NCK2: variants seen among roughly 807,000 people sequenced by gnomAD.
NCK2 encodes the protein NCK adaptor protein 2, also known as cytoplasmic protein NCK2.
Under a neutral mutation model 33.9 loss-of-function variants are expected in NCK2, and 16 were observed. The ratio of observed to expected loss-of-function variants is 0.47; its 90% CI spans 0.32 to 0.72. The LOEUF (loss-of-function observed/expected upper bound fraction) is 0.72. Ranked by LOEUF, NCK2 falls within the 30% of genes least tolerant of loss-of-function variation. The pLI, the probability that NCK2 is intolerant of heterozygous loss-of-function variation, is 0.03. For synonymous variants in NCK2, 273 were observed against 239.9 expected, an observed-to-expected ratio of 1.14 and a Z score of -1.27; for missense variants, 418 against 537.3, an observed-to-expected ratio of 0.78 and a Z score of 2.19.
At chr2:105,754,086 G>A (rs1426973135) in intron 1 of NCK2, among the ~76,000 whole-genome samples, 1 of 152,194 alleles carries the variant, frequency 6.6e-6, no homozygotes, top group East Asian at 1.9e-4. Flanking sequence ...AGGACGGTGA[G>A]TCTGGCGTCT....
intron 1 of NCK2, among the ~76,000 whole-genome samples, chr2:105,747,940 A>G (rs184080057): frequency 1.3e-5 from 2 of 152,318 alleles, no homozygotes; most frequent in Admixed American, 1.3e-4. Context: ...TAGTAGCACA[A>G]TTAAAAAATT....
At chr2:105,818,180 A>T (rs1675571150) in intron 2 of NCK2, among the ~76,000 whole-genome samples, 1 of 150,804 alleles carries the variant, frequency 6.6e-6, no homozygotes, top group Non-Finnish European at 1.5e-5. Flanking sequence ...TCGCAAGGAC[A>T]AAAAACCAAA....
rs942584482 is a variant in NCK2 at position 105,816,513 on chromosome 2, A to G, written c.-117A>G. On this transcript the variant is annotated 5_prime_UTR_variant, in exon 2 of 5. Transcript: ENST00000233154. ...TGAGTTGGATTTGAGGATTTGGAGAATCCCTGCAGCTTTGTAACTTCAGAG... is the reference window on the plus strand; with the variant it reads ...TGAGTTGGATTTGAGGATTTGGAGAGTCCCTGCAGCTTTGTAACTTCAGAG... The G allele has an allele frequency of 1.1e-4, 17 of 152,310 alleles. No homozygotes were observed. The highest frequency in any genetic ancestry group is 4.1e-4 in the African/African-American group (17 of 41,568). 9.4% of individuals were successfully genotyped at this position (152,310 alleles called of 1,614,324 possible). A position where few individuals can be genotyped will look rare whatever the true frequency, so the allele number is the denominator to read the frequency against.
chr2:105,882,843 G>A (rs1013983629), intron 4 of NCK2, among the ~76,000 whole-genome samples: 1 of 152,210 alleles, frequency 6.6e-6, no homozygotes, highest in Non-Finnish European at 1.5e-5. Context: ...AAGCATTTAG[G>A]AGATAGAGTT....
intron 2 of NCK2, among the ~76,000 whole-genome samples, chr2:105,844,227 G>A (rs1306673021): frequency 1.3e-5 from 2 of 152,162 alleles, no homozygotes; most frequent in Non-Finnish European, 2.9e-5. Context: ...ACAGTCAAGA[G>A]GCGCCTAAGC....
intron 3 of NCK2, among the ~76,000 whole-genome samples, chr2:105,880,936 A>ATTTTTTTTT (rs59005322): frequency 5.8e-5 from 6 of 103,540 alleles, no homozygotes; most frequent in Non-Finnish European, 9.6e-5. Flanking sequence ...CAGGTGGCTA[A>ATTTTTTTTT]TTTTTTTTTT....
At chr2:105,797,499 AG>A (rs1276040447) in intron 1 of NCK2, among the ~76,000 whole-genome samples, 1 of 152,212 alleles carries the variant, frequency 6.6e-6, no homozygotes, top group African/African-American at 2.4e-5. Flanking sequence ...GGCTAGCAGA[AG>A]GGAGGTTCTT....
At chr2:105,750,393 A>G (rs1419260406) in intron 1 of NCK2, among the ~76,000 whole-genome samples, 1 of 152,206 alleles carries the variant, frequency 6.6e-6, no homozygotes, top group Non-Finnish European at 1.5e-5. Flanking sequence ...ATAGTCACTT[A>G]GGGGTTAGGG....
At position 105,828,345 on chromosome 2, in the gene NCK2, GT is replaced by G. The variant is rs1171432022; in HGVS notation, c.-17+11734del. The stretch of plus-strand genomic sequence containing the variant: ...AACAATATGGCCTAACCATATTTTT[GT>G]TGTTGTTGTTTTGATATACAATTAT... On this transcript the variant is annotated intron_variant, in intron 2 of 4. Coordinates refer to ENST00000233154, the MANE Select transcript of NCK2 (RefSeq NM_003581.5). Among the ~76,000 whole-genome samples, 11 of 152,220 alleles carry G rather than the reference GT, an allele frequency of 7.2e-5. 1 individual carries two copies. In the Middle Eastern group the frequency reaches 0.02, roughly 282 times the overall value.
chr2:105,867,797 G>A (rs779354210), intron 3 of NCK2, among the ~76,000 whole-genome samples: 2 of 152,190 alleles, frequency 1.3e-5, no homozygotes, highest in Non-Finnish European at 2.9e-5. Flanking sequence ...CCCTGCTTCA[G>A]CTTCCTAAAG....
chr2:105,834,100 G>T (rs1279301143), intron 2 of NCK2, among the ~76,000 whole-genome samples: 2 of 152,126 alleles, frequency 1.3e-5, no homozygotes, highest in African/African-American at 4.8e-5. Context: ...CTGATGAAAG[G>T]GTGTATATTC....
At position 105,881,866 on chromosome 2, in the gene NCK2, C is replaced by T. The variant is rs376100088; in HGVS notation, c.765C>T (p.Leu255=). The stretch of plus-strand genomic sequence containing the variant: ...TCCCCAAAAACTACGTGGTGGTCCT[C>T]AGTGACGGGCCTGCCCTGCACCCTG... ...GLVPKNYVVV[L]SDGPALHPAH... is the part of the protein sequence containing the mutation. Residue 255 remains leucine, a synonymous_variant, in exon 4 of 5, where the codon CTC becomes CTT. Transcript: ENST00000233154. The T allele has an allele frequency of 1.0e-5, 16 of 1,587,804 alleles. No individual in the cohort carries two copies. The highest frequency in any genetic ancestry group is 1.4e-5 in the Non-Finnish European group (16 of 1,166,316).
At chr2:105,810,892 T>C (rs940652593) in intron 1 of NCK2, among the ~76,000 whole-genome samples, 1 of 152,198 alleles carries the variant, frequency 6.6e-6, no homozygotes, top group African/African-American at 2.4e-5. Flanking sequence ...TGCCCGGCTA[T>C]GGGCCAGGTG....
In NCK2 at chr2:105,860,741, G is replaced by A. The variant is rs764985286; in HGVS notation, c.226+5452G>A. ...AGAACACACTGGTCCATAGAGAGCC[G>A]TGGATGCCGGCGGCGCTGTAATGGA... is the stretch of plus-strand genomic sequence containing the variant. On this transcript the variant is annotated intron_variant, in intron 3 of 4. Coordinates refer to ENST00000233154, the MANE Select transcript of NCK2 (RefSeq NM_003581.5). Among the ~76,000 whole-genome samples the A allele has an allele frequency of 1.4e-4, 21 of 151,938 alleles. 1 individual carries two copies. In the East Asian group the frequency reaches 2.3e-3, roughly 17 times the overall value.
intron 2 of NCK2, among the ~76,000 whole-genome samples, chr2:105,845,821 G>A (rs1676835789): frequency 6.6e-6 from 1 of 152,144 alleles, no homozygotes; most frequent in East Asian, 1.9e-4. Context: ...TGGGAGCAGG[G>A]AGTATGCACT....
chr2:105,776,697 A>G (rs955006381), intron 1 of NCK2, among the ~76,000 whole-genome samples: 16 of 152,298 alleles, frequency 1.1e-4, no homozygotes, highest in African/African-American at 3.6e-4. Flanking sequence ...GTTTTAGCTC[A>G]GCCATCCCAG....
At chr2:105,786,272 C>T (rs756707892) in intron 1 of NCK2, among the ~76,000 whole-genome samples, 10 of 152,312 alleles carry the variant, frequency 6.6e-5, no homozygotes, top group African/African-American at 2.2e-4. Flanking sequence ...ATGTAATAAC[C>T]GTAGTGATCA....
At chr2:105,889,241 G>A (rs1678859296) in intron 4 of NCK2, among the ~76,000 whole-genome samples, 1 of 152,128 alleles carries the variant, frequency 6.6e-6, no homozygotes. Flanking sequence ...CCCTTCAGGG[G>A]AAATTCCCTA....
At chr2:105,832,247 A>C (rs572809728) in intron 2 of NCK2, among the ~76,000 whole-genome samples, 1 of 152,242 alleles carries the variant, frequency 6.6e-6, no homozygotes, top group South Asian at 2.1e-4. Context: ...ATTTCACCGG[A>C]TCTGTTTACC....
Sources: allele counts gnomAD v4.1 joint callset (sites outside exome capture counted in the v4.1 genomes callset), GRCh38; gene constraint gnomAD v4.1.1; transcripts MANE v1.5; gene names NCBI Gene and HGNC (gene_info 2026-07-23, HGNC 2026-07-21).